LRRC4C: variants seen among roughly 807,000 people sequenced by gnomAD.
LRRC4C encodes the protein leucine-rich repeat-containing protein 4C.
Under a neutral mutation model 33.6 loss-of-function variants are expected in LRRC4C, and 5 were observed. The ratio of observed to expected loss-of-function variants is 0.15; its 90% CI spans 0.08 to 0.31. The LOEUF (loss-of-function observed/expected upper bound fraction) is 0.31. Ranked by LOEUF, LRRC4C falls within the 10% of genes least tolerant of loss-of-function variation. The pLI, the probability that LRRC4C is intolerant of heterozygous loss-of-function variation, is 1.00. For synonymous variants in LRRC4C, 329 were observed against 302.0 expected, an observed-to-expected ratio of 1.09 and a Z score of -0.93; for missense variants, 560 against 796.7, an observed-to-expected ratio of 0.70 and a Z score of 3.58.
At chr11:41,244,545 A>T (rs540359527) in intron 1 of LRRC4C, among the ~76,000 whole-genome samples, 3 of 152,352 alleles carry the variant, frequency 2.0e-5, no homozygotes, top group Admixed American at 1.3e-4. Context: ...TCAAAGCAAC[A>T]GAGATAAAGA....
intron 4 of LRRC4C, among the ~76,000 whole-genome samples, chr11:40,271,440 C>T (rs1038062163): frequency 6.6e-6 from 1 of 152,168 alleles, no homozygotes; most frequent in Admixed American, 6.6e-5. Flanking sequence ...AACTTACTAC[C>T]TTTAAAACTC....
chr11:40,765,938 C>A (rs910163394), intron 2 of LRRC4C, among the ~76,000 whole-genome samples: 1 of 151,570 alleles, frequency 6.6e-6, no homozygotes, highest in Non-Finnish European at 1.5e-5. Context: ...AAAAAAATTC[C>A]CAAACCTATA....
intron 3 of LRRC4C, among the ~76,000 whole-genome samples, chr11:40,439,179 A>G (rs899171543): frequency 1.3e-5 from 2 of 148,912 alleles, no homozygotes; most frequent in African/African-American, 5.0e-5. Context: ...TGACCTTGTG[A>G]TCCACCCACC....
intron 2 of LRRC4C, among the ~76,000 whole-genome samples, chr11:40,707,646 A>C (rs577133544): frequency 6.6e-6 from 1 of 151,148 alleles, no homozygotes; most frequent in African/African-American, 2.5e-5. Flanking sequence ...ATCGATGTTC[A>C]TCAGGGATAT....
At chr11:40,380,355 A>C (rs1293204074) in intron 3 of LRRC4C, among the ~76,000 whole-genome samples, 1 of 152,220 alleles carries the variant, frequency 6.6e-6, no homozygotes, top group African/African-American at 2.4e-5. Flanking sequence ...CTTTATGGTT[A>C]GGTCATTTCC....
intron 1 of LRRC4C, among the ~76,000 whole-genome samples, chr11:40,979,868 G>A (rs1852383140): frequency 6.6e-6 from 1 of 152,064 alleles, no homozygotes; most frequent in Non-Finnish European, 1.5e-5. Context: ...TGCTTTTCTT[G>A]ATGTGAATCT....
At chr11:41,068,478 A>G (rs1055006595) in intron 1 of LRRC4C, among the ~76,000 whole-genome samples, 2 of 152,158 alleles carry the variant, frequency 1.3e-5, no homozygotes, top group African/African-American at 2.4e-5. Flanking sequence ...ATCACTAACT[A>G]GACTAATAAA....
chr11:40,241,122 C>T lies in LRRC4C; in HGVS notation c.-96+397G>A, dbSNP rs1865899401. 3.3e-5 allele frequency among the ~76,000 whole-genome samples: 5 copies of T among 152,086 alleles called. 1 individual carries two copies. In the South Asian group the frequency reaches 1.0e-3, roughly 32 times the overall value. On this transcript the variant is annotated intron_variant, in intron 5 of 6. Coordinates refer to ENST00000528697, the MANE Select transcript of LRRC4C (RefSeq NM_001258419.2). ...TCGTCTGGGTAACTTAATTCTAGTA[C>T]TTAGGGAGGCTGAGGGGGAAGAATT...
At chr11:40,369,625 A>C (rs1286088825) in intron 3 of LRRC4C, among the ~76,000 whole-genome samples, 1 of 152,258 alleles carries the variant, frequency 6.6e-6, no homozygotes, top group African/African-American at 2.4e-5. Flanking sequence ...GGCGTAAGCC[A>C]ACACACCCAG....
chr11:40,696,748 G>GTATATATATATATATATATATATATA (rs57752272), intron 2 of LRRC4C, among the ~76,000 whole-genome samples: 2 of 125,884 alleles, frequency 1.6e-5, no homozygotes, highest in African/African-American at 6.3e-5. Context: ...TATACACTGT[G>GTATATATATATATATATATATATATA]TATATATATA....
At chr11:40,366,060 A>C (rs1948194831) in intron 3 of LRRC4C, among the ~76,000 whole-genome samples, 2 of 152,004 alleles carry the variant, frequency 1.3e-5, no homozygotes, top group South Asian at 4.1e-4. Context: ...ATTACTTAGA[A>C]AAAGCCTGAT....
intron 3 of LRRC4C, among the ~76,000 whole-genome samples, chr11:40,505,844 C>T (rs921934336): frequency 3.3e-5 from 5 of 152,104 alleles, no homozygotes; most frequent in Non-Finnish European, 7.4e-5. Context: ...CTTTCACATT[C>T]TGACCCCATT....
At chr11:41,224,334 T>C (rs1590983893) in intron 1 of LRRC4C, among the ~76,000 whole-genome samples, 5 of 152,298 alleles carry the variant, frequency 3.3e-5, no homozygotes, top group Admixed American at 6.5e-5. Flanking sequence ...CTAATGCATC[T>C]ATACCATTCA....
At chr11:40,844,148 A>G (rs886261746) in intron 2 of LRRC4C, among the ~76,000 whole-genome samples, 1 of 152,004 alleles carries the variant, frequency 6.6e-6, no homozygotes, top group Non-Finnish European at 1.5e-5. Context: ...AAATACAGCA[A>G]TTGAACTAGT....
chr11:40,470,352 GAC>G (rs1952867534), intron 3 of LRRC4C, among the ~76,000 whole-genome samples: 1 of 152,122 alleles, frequency 6.6e-6, no homozygotes, highest in African/African-American at 2.4e-5. Context: ...CAACAAAAAG[GAC>G]ATCCACACAA....
At chr11:40,340,651 A>T (rs1946827497) in intron 3 of LRRC4C, among the ~76,000 whole-genome samples, 1 of 152,168 alleles carries the variant, frequency 6.6e-6, no homozygotes, top group Non-Finnish European at 1.5e-5. Flanking sequence ...ACAATATAGG[A>T]ATTTTATAGC....
intron 3 of LRRC4C, among the ~76,000 whole-genome samples, chr11:40,371,832 A>T (rs1391579764): frequency 1.3e-5 from 2 of 152,188 alleles, no homozygotes; most frequent in African/African-American, 4.8e-5. Context: ...GAGGCTCCCA[A>T]CTGGACAACA....
intron 2 of LRRC4C, among the ~76,000 whole-genome samples, chr11:40,663,168 C>A (rs893847391): frequency 6.6e-6 from 1 of 152,176 alleles, no homozygotes; most frequent in African/African-American, 2.4e-5. Flanking sequence ...GCAACCTCCG[C>A]CTCCCAGGTT....
intron 1 of LRRC4C, among the ~76,000 whole-genome samples, chr11:41,263,493 C>T (rs921463271): frequency 6.6e-5 from 10 of 152,210 alleles, no homozygotes; most frequent in East Asian, 5.8e-4. Context: ...TCAAAACACC[C>T]GCAGTCTTGG....
Sources: allele counts gnomAD v4.1 joint callset (sites outside exome capture counted in the v4.1 genomes callset), GRCh38; gene constraint gnomAD v4.1.1; transcripts MANE v1.5; gene names NCBI Gene and HGNC (gene_info 2026-07-23, HGNC 2026-07-21).